Variants in ADK observed in about 807,000 individuals in gnomAD.
ADK encodes N6,N6-dimethyladenosine kinase.
A neutral mutation model predicts 44.7 loss-of-function variants in ADK; 24 were observed. The ratio of observed to expected loss-of-function variants is 0.54; its 90% CI spans 0.39 to 0.76. The LOEUF is 0.76. Ranked by LOEUF, ADK falls within the 30% of genes least tolerant of loss-of-function variation. The pLI is 0.00. For synonymous variants in ADK, 128 were observed against 142.6 expected, an observed-to-expected ratio of 0.90 and a Z score of 0.73; for missense variants, 321 against 425.1, an observed-to-expected ratio of 0.76 and a Z score of 2.15.
intron 4 of ADK, among the ~76,000 whole-genome samples, chr10:74,383,783 C>T (rs534379108): frequency 6.6e-6 from 1 of 152,242 alleles, no homozygotes; most frequent in South Asian, 2.1e-4. Flanking sequence ...TTAGATTCAT[C>T]TCATGTCCTT....
intron 8 of ADK, among the ~76,000 whole-genome samples, chr10:74,596,009 A>AAAAC (rs1851912998): frequency 1.3e-5 from 2 of 151,016 alleles, no homozygotes; most frequent in Admixed American, 6.6e-5. Context: ...AAAAAAAAAA[A>AAAAC]AAAAAAACCA....
chr10:74,549,400 C>T (rs1849950084), intron 7 of ADK, among the ~76,000 whole-genome samples: 1 of 152,188 alleles, frequency 6.6e-6, no homozygotes, highest in South Asian at 2.1e-4. Context: ...TTTATATGTG[C>T]AATTTAGTTT....
chr10:74,169,766 G>A (rs529177099), intron 1 of ADK, among the ~76,000 whole-genome samples: 1 of 152,140 alleles, frequency 6.6e-6, no homozygotes, highest in South Asian at 2.1e-4. Flanking sequence ...TGTCCATAAT[G>A]AAAGCTAACT....
intron 9 of ADK, among the ~76,000 whole-genome samples, chr10:74,622,619 C>T (rs1391030416): frequency 1.3e-5 from 2 of 152,086 alleles, no homozygotes; most frequent in African/African-American, 4.8e-5. Context: ...AGGAATGTGA[C>T]TTAGGAATAC....
chr10:74,247,172 G>A (rs774697756), intron 3 of ADK, among the ~76,000 whole-genome samples: 61 of 146,100 alleles, frequency 4.2e-4, no homozygotes, highest in Non-Finnish European at 8.1e-4. Flanking sequence ...TTTTGGCTTA[G>A]CTGATTCTTG....
rs367982701 is a variant in ADK, at chr10:74,598,440, C to CTTTTTTTT, written c.763-1939_763-1938insTTTTTTTT. Among the ~76,000 whole-genome samples the CTTTTTTTT allele has an allele frequency of 2.4e-4, 27 of 114,062 alleles. 4 individuals carry two copies. The highest frequency in any genetic ancestry group is 1.1e-3 in the East Asian group (3 of 2,742). The allele number at this position is 114,062 out of a possible 152,430, so 74.8% of individuals were successfully genotyped here. On this transcript the variant is annotated intron_variant, in intron 8 of 10. Coordinates refer to ENST00000539909, the MANE Select transcript of ADK (RefSeq NM_006721.4). ...TAGAAAGCAACCATGGAATCTTATT[C>CTTTTTTTT]CTTTTTTTTTTTTTTTTTTTTTTTT...
intron 7 of ADK, among the ~76,000 whole-genome samples, chr10:74,573,688 A>G (rs1209988561): frequency 1.3e-5 from 2 of 152,042 alleles, no homozygotes; most frequent in African/African-American, 4.8e-5. Flanking sequence ...TGCTTTGTTT[A>G]CCCAAGCAAG....
chr10:74,434,864 G>A (rs1042701658), intron 6 of ADK, among the ~76,000 whole-genome samples: 3 of 152,170 alleles, frequency 2.0e-5, no homozygotes, highest in Admixed American at 6.5e-5. Flanking sequence ...CCTGGTGCAC[G>A]ATCATCAGAT....
chr10:74,176,203 C>G (rs1052696896), intron 1 of ADK, among the ~76,000 whole-genome samples: 4 of 152,172 alleles, frequency 2.6e-5, no homozygotes, highest in South Asian at 2.1e-4. Flanking sequence ...TTCTGAAGTT[C>G]AGGAACGTTT....
intron 7 of ADK, among the ~76,000 whole-genome samples, chr10:74,555,821 TC>T (rs1432948706): frequency 2.0e-5 from 3 of 151,920 alleles, no homozygotes; most frequent in Non-Finnish European, 4.4e-5. Flanking sequence ...ATCAGAGATT[TC>T]CCCCCATGTA....
chr10:74,643,858 G>GT (rs1471166761), intron 9 of ADK, among the ~76,000 whole-genome samples: 1 of 152,144 alleles, frequency 6.6e-6, no homozygotes, highest in African/African-American at 2.4e-5. Context: ...TCTACTGCCT[G>GT]TTCACACACC....
chr10:74,238,548 A>T (rs1307980017), intron 3 of ADK, among the ~76,000 whole-genome samples: 1 of 152,222 alleles, frequency 6.6e-6, no homozygotes, highest in African/African-American at 2.4e-5. Flanking sequence ...TTAAATTTAG[A>T]ATTTTAAACA....
intron 6 of ADK, among the ~76,000 whole-genome samples, chr10:74,407,732 G>A (rs372458281): frequency 5.9e-5 from 9 of 152,112 alleles, no homozygotes; most frequent in Non-Finnish European, 8.8e-5. Context: ...CTTCCTTCCC[G>A]CTCTGCAGCC....
intron 6 of ADK, among the ~76,000 whole-genome samples, chr10:74,479,776 A>T (rs1846998705): frequency 6.6e-6 from 1 of 152,082 alleles, no homozygotes; most frequent in East Asian, 1.9e-4. Flanking sequence ...GTTTTAAATG[A>T]TATCCTTTGA....
intron 6 of ADK, among the ~76,000 whole-genome samples, chr10:74,433,965 A>G (rs894012346): frequency 7.9e-5 from 12 of 152,202 alleles, no homozygotes; most frequent in Non-Finnish European, 1.3e-4. Flanking sequence ...TGAGGCTGAT[A>G]TAAGTAAGAA....
At chr10:74,233,354 C>CGA (rs761128273) in intron 3 of ADK, among the ~76,000 whole-genome samples, 1 of 152,026 alleles carries the variant, frequency 6.6e-6, no homozygotes. Context: ...CAACTACCAC[C>CGA]TTTATGGGCC....
At chr10:74,254,207 T>C (rs1034594890) in intron 3 of ADK, among the ~76,000 whole-genome samples, 17 of 152,220 alleles carry the variant, frequency 1.1e-4, no homozygotes, top group African/African-American at 3.9e-4. Context: ...AAGAGCATTA[T>C]AGAGATAGAT....
intron 3 of ADK, among the ~76,000 whole-genome samples, chr10:74,286,789 G>C (rs750769268): frequency 4.6e-4 from 70 of 152,128 alleles, no homozygotes; most frequent in Non-Finnish European, 8.5e-4. Flanking sequence ...CAAATGATTC[G>C]CATGTATTAT....
At chr10:74,274,025 A>AT (rs879506113) in intron 3 of ADK, among the ~76,000 whole-genome samples, 149 of 149,114 alleles carry the variant, frequency 1.0e-3, no homozygotes, top group African/African-American at 2.1e-3. Flanking sequence ...AGGCTTAAAC[A>AT]TTTTTTTTTT....
Sources: gnomAD v4.1 joint callset for allele counts (sites outside exome capture counted in the v4.1 genomes callset) on GRCh38, gnomAD v4.1.1 for gene constraint, MANE v1.5 for transcripts, NCBI Gene and HGNC (gene_info 2026-07-23, HGNC 2026-07-21) for gene names.